Variants in MRPS28 observed in about 807,000 individuals in gnomAD.
MRPS28 encodes mitochondrial ribosomal protein S28.
MRPS28 carries 7 observed loss-of-function variants against 10.8 expected under a neutral mutation model. That is an observed-to-expected ratio of 0.65 (90% CI 0.37 to 1.22). MRPS28 has a LOEUF of 1.22. MRPS28 is among the 50% of genes most tolerant of loss of function. MRPS28 has a pLI of 0.02. For synonymous variants in MRPS28, 121 were observed against 93.3 expected, an observed-to-expected ratio of 1.30 and a Z score of -1.71; for missense variants, 265 against 232.9, an observed-to-expected ratio of 1.14 and a Z score of -0.90.
At chr8:79,987,257 C>A (rs1374574881) in intron 2 of MRPS28, among the ~76,000 whole-genome samples, 1 of 151,860 alleles carries the variant, frequency 6.6e-6, no homozygotes, top group Non-Finnish European at 1.5e-5. Context: ...CTTCCTTACA[C>A]CTTATACAAA....
At chr8:79,932,931 T>A (rs1384693260) in intron 2 of MRPS28, among the ~76,000 whole-genome samples, 3 of 152,136 alleles carry the variant, frequency 2.0e-5, no homozygotes, top group Non-Finnish European at 4.4e-5. Context: ...CTCCTTCCTA[T>A]CAGAATTGAT....
chr8:80,004,470 C>T (rs1010207207), intron 1 of MRPS28, among the ~76,000 whole-genome samples: 1 of 152,154 alleles, frequency 6.6e-6, no homozygotes, highest in African/African-American at 2.4e-5. Context: ...GACATCCACA[C>T]CAAAACCCCA....
At chr8:80,003,473 C>T (rs982693669) in intron 1 of MRPS28, among the ~76,000 whole-genome samples, 1 of 152,122 alleles carries the variant, frequency 6.6e-6, no homozygotes, top group African/African-American at 2.4e-5. Flanking sequence ...CTAAGCCTGA[C>T]CAACATAGAG....
intron 2 of MRPS28, among the ~76,000 whole-genome samples, chr8:79,975,264 TC>T (rs1174868573): frequency 1.3e-5 from 2 of 152,066 alleles, no homozygotes; most frequent in Non-Finnish European, 2.9e-5. Context: ...GCTACTGCAC[TC>T]CAGCCTGGGC....
At position 80,002,426 on chromosome 8, in the gene MRPS28, T is replaced by G. The variant is rs149566225; in HGVS notation, c.395+573A>C. Among the ~76,000 whole-genome samples the G allele has an allele frequency of 6.4e-3, 974 of 152,338 alleles. 9 individuals are homozygous for G. The highest frequency in any genetic ancestry group is 0.022 in the African/African-American group (910 of 41,562). On this transcript the variant is annotated intron_variant, in intron 2 of 2. Coordinates refer to ENST00000276585, the MANE Select transcript of MRPS28 (RefSeq NM_014018.3). ...GAAAAAAAATCACTTCTATCTCGTT[T>G]ACTATTGTTCTATTGTTTTCCCATC...
intron 2 of MRPS28, among the ~76,000 whole-genome samples, chr8:79,978,509 T>C (rs1301947042): frequency 2.0e-5 from 3 of 152,236 alleles, no homozygotes; most frequent in African/African-American, 7.2e-5. Flanking sequence ...TTTGCATATA[T>C]TTCATACCTT....
At chr8:80,010,556 T>G (rs1453738173) in intron 1 of MRPS28, among the ~76,000 whole-genome samples, 2 of 152,174 alleles carry the variant, frequency 1.3e-5, no homozygotes, top group Non-Finnish European at 2.9e-5. Context: ...CAAGTCCCCA[T>G]GTTTTAATTT....
At chr8:79,958,715 G>T (rs1185840852) in intron 2 of MRPS28, among the ~76,000 whole-genome samples, 2 of 152,152 alleles carry the variant, frequency 1.3e-5, no homozygotes, top group Non-Finnish European at 2.9e-5. Context: ...ACTAACAAAT[G>T]TGATGTGTGC....
At chr8:80,001,023 TA>T (rs1563538808) in intron 2 of MRPS28, among the ~76,000 whole-genome samples, 1 of 152,152 alleles carries the variant, frequency 6.6e-6, no homozygotes, top group African/African-American at 2.4e-5. Context: ...TCCTCACATA[TA>T]AAAAAAGTAT....
At chr8:79,992,386 C>G (rs1279591931) in intron 2 of MRPS28, among the ~76,000 whole-genome samples, 1 of 152,214 alleles carries the variant, frequency 6.6e-6, no homozygotes, top group Non-Finnish European at 1.5e-5. Flanking sequence ...TTATCCATCC[C>G]AACACTCCCT....
chr8:79,929,345 C>T (rs907189015), intron 2 of MRPS28, among the ~76,000 whole-genome samples: 11 of 152,122 alleles, frequency 7.2e-5, no homozygotes, highest in Non-Finnish European at 1.3e-4. Context: ...ATAATAATCT[C>T]AATCTCCTTT....
chr8:79,944,701 C>A (rs377201885), intron 2 of MRPS28, among the ~76,000 whole-genome samples: 1 of 137,636 alleles, frequency 7.3e-6, no homozygotes, highest in African/African-American at 2.7e-5. Context: ...TTTCTTTTTT[C>A]TTTTTTTTTT....
At chr8:80,027,756 C>T (rs936800959) in intron 1 of MRPS28, among the ~76,000 whole-genome samples, 22 of 152,310 alleles carry the variant, frequency 1.4e-4, no homozygotes, top group South Asian at 6.2e-4. Flanking sequence ...TATCCTCCTC[C>T]CCAGGGAATT....
intron 2 of MRPS28, among the ~76,000 whole-genome samples, chr8:79,993,207 C>T (rs1808412653): frequency 6.6e-6 from 1 of 152,174 alleles, no homozygotes; most frequent in African/African-American, 2.4e-5. Flanking sequence ...TAAGATATTA[C>T]CTTCAAAGCT....
At chr8:79,979,417 T>C (rs1807891012) in intron 2 of MRPS28, among the ~76,000 whole-genome samples, 1 of 152,208 alleles carries the variant, frequency 6.6e-6, no homozygotes, top group Non-Finnish European at 1.5e-5. Context: ...GCTAGATATG[T>C]TGTATAGGTC....
intron 1 of MRPS28, among the ~76,000 whole-genome samples, chr8:80,017,979 A>G (rs188461830): frequency 2.0e-4 from 31 of 152,334 alleles, no homozygotes; most frequent in Admixed American, 1.1e-3. Flanking sequence ...ACAACTCTAT[A>G]GGAAAAAAAT....
chr8:79,940,825 A>T (rs1383828520), intron 2 of MRPS28, among the ~76,000 whole-genome samples: 1 of 152,250 alleles, frequency 6.6e-6, no homozygotes, highest in Non-Finnish European at 1.5e-5. Context: ...CAGAACAAGC[A>T]GTCTACAGTA....
At chr8:80,011,091 A>ATTCTAAGT (rs1041479608) in intron 1 of MRPS28, among the ~76,000 whole-genome samples, 4 of 152,310 alleles carry the variant, frequency 2.6e-5, no homozygotes, top group Admixed American at 2.6e-4. Flanking sequence ...AGGTAGTGTA[A>ATTCTAAGT]AAGAGTAATT....
At chr8:79,974,985 G>A (rs1232890565) in intron 2 of MRPS28, among the ~76,000 whole-genome samples, 1 of 152,084 alleles carries the variant, frequency 6.6e-6, no homozygotes, top group Non-Finnish European at 1.5e-5. Flanking sequence ...TAAATTTCAA[G>A]TAATTTCAAA....
Sources: gnomAD v4.1 joint callset for allele counts (sites outside exome capture counted in the v4.1 genomes callset) on GRCh38, gnomAD v4.1.1 for gene constraint, MANE v1.5 for transcripts, NCBI Gene and HGNC (gene_info 2026-07-23, HGNC 2026-07-21) for gene names.